Variants in CRYBB1 observed in about 807,000 individuals in gnomAD.
The protein encoded by CRYBB1 is crystallin beta B1, also known as beta-crystallin B1.
A neutral mutation model predicts 29.5 loss-of-function variants in CRYBB1; 16 were observed. The ratio of observed to expected loss-of-function variants is 0.54; its 90% confidence interval spans 0.37 to 0.82. CRYBB1 has a LOEUF of 0.82. Ranked by LOEUF, CRYBB1 falls within the 40% of genes least tolerant of loss-of-function variation. The pLI is 0.00. For synonymous variants in CRYBB1, 127 were observed against 136.7 expected (o/e 0.93, Z 0.49); for missense variants, 300 against 350.5 (o/e 0.86, Z 1.15).
chr22:26,612,231 G>T, intron 2 of CRYBB1, 41 bp from the exon 3 acceptor site: 1 of 1,397,798 alleles, frequency 7.2e-7, no homozygotes, highest in Non-Finnish European at 1.0e-6. Context: ...AGAGTGAGGG[G>T]GGAGTCAAAA....
Position 26,601,943 on chromosome 22 carries a change from C to A in CRYBB1, c.511G>T (p.Ala171Ser), listed in dbSNP as rs754411906. 1 of 1,613,242 alleles carries A rather than the reference C, an allele frequency of 6.2e-7. No homozygotes were observed. Among genetic ancestry groups the A allele is most frequent in the Non-Finnish European group, 8.5e-7 (1 of 1,179,872 alleles). Residue 171 changes from alanine (A) to serine (S), a missense_variant, in exon 5 of 6, where the codon GCA (alanine) becomes TCA (serine). By Grantham distance (99) the Ala-to-Ser change is moderately conservative (BLOSUM62 1). Coordinates refer to ENST00000647684, the MANE Select transcript of CRYBB1 (RefSeq NM_001887.4). ...AAGCCGTAGACCCAGAGACTGGGTG[C>A]GTCGTCCCCCTGGATCTCTATGGTG... The part of the protein sequence containing the change: ...GNTIEIQGDD[A>S]PSLWVYGFSD...
intron 4 of CRYBB1, among the ~76,000 whole-genome samples, chr22:26,607,677 A>G (rs2145963813): frequency 6.6e-6 from 1 of 152,080 alleles, no homozygotes; most frequent in East Asian, 1.9e-4. Context: ...TGTGCTTATC[A>G]TTTGCCCAGG....
At chr22:26,609,354 G>A (rs1359082278) in intron 3 of CRYBB1, among the ~76,000 whole-genome samples, 1 of 151,748 alleles carries the variant, frequency 6.6e-6, no homozygotes, top group Non-Finnish European at 1.5e-5. Context: ...GTCTGGAGTA[G>A]AAGAGAAATA....
chr22:26,599,428 A>G lies in CRYBB1; in HGVS notation c.*62T>C. 1 of 1,530,808 alleles carries G rather than the reference A, an allele frequency of 6.5e-7. No individual in the cohort carries two copies. The highest frequency in any genetic ancestry group is 8.9e-7 in the Non-Finnish European group (1 of 1,125,390). 94.8% of individuals were successfully genotyped at this position (1,530,808 alleles called of 1,614,324 possible). ...TAGGGAATTTTATTTGCCTGGGAAA[A>G]ATGGGGGAAATAATTGAACATGAAG... On this transcript the variant is annotated 3_prime_UTR_variant, in exon 6 of 6. Transcript: ENST00000647684.
intron 2 of CRYBB1, among the ~76,000 whole-genome samples, chr22:26,614,457 G>T (rs1282160127): frequency 6.6e-6 from 1 of 152,156 alleles, no homozygotes; most frequent in African/African-American, 2.4e-5. Context: ...CAGGTTCCCC[G>T]ATACCAGGAG....
At chr22:26,608,251 T>C (rs1365310349) in intron 3 of CRYBB1, among the ~76,000 whole-genome samples, 4 of 152,238 alleles carry the variant, frequency 2.6e-5, no homozygotes, top group Admixed American at 6.5e-5. Context: ...TCTACACTCA[T>C]ATGCCTGTTT....
chr22:26,607,019 CTTT>C (rs34126720), intron 4 of CRYBB1, among the ~76,000 whole-genome samples: 67 of 111,958 alleles, frequency 6.0e-4, no homozygotes, highest in Admixed American at 1.9e-3. Context: ...TATCCCTCTC[CTTT>C]TTTTTTTTTT....
chr22:26,601,649 A>G, intron 5 of CRYBB1, among the ~76,000 whole-genome samples: 2 of 150,768 alleles, frequency 1.3e-5, no homozygotes, highest in African/African-American at 2.5e-5. Context: ...TCCATCTAAC[A>G]GCTTTTTAGA....
At chr22:26,614,501 C>T (rs571926508) in intron 2 of CRYBB1, among the ~76,000 whole-genome samples, 4 of 152,134 alleles carry the variant, frequency 2.6e-5, no homozygotes, top group East Asian at 1.9e-4. Flanking sequence ...ATGCTGTTCA[C>T]GAGAGCAAAG....
chr22:26,616,910 G>A (rs1266338750), intron 1 of CRYBB1, among the ~76,000 whole-genome samples: 1 of 152,192 alleles, frequency 6.6e-6, no homozygotes, highest in East Asian at 1.9e-4. Flanking sequence ...CCAGCAACTG[G>A]GCTTTTAAAG....
In CRYBB1 at chr22:26,603,543, A is replaced by G. The variant is rs185512116; in HGVS notation, c.433-1522T>C. Among the ~76,000 whole-genome samples the G allele has an allele frequency of 2.1e-4, 32 of 151,474 alleles. No individual in the cohort carries two copies. In the East Asian group the frequency reaches 5.7e-3, roughly 27 times the overall value. On this transcript the variant is annotated intron_variant, in intron 4 of 5. Coordinates refer to ENST00000647684, the MANE Select transcript of CRYBB1 (RefSeq NM_001887.4). Reference sequence around the variant, plus strand: ...AGACTGTCTCAAACAACAACAACAAAAAAGAATGGGGTTACTATTGCTTCG... The same window carrying G: ...AGACTGTCTCAAACAACAACAACAAGAAAGAATGGGGTTACTATTGCTTCG...
intron 4 of CRYBB1, among the ~76,000 whole-genome samples, chr22:26,602,715 C>T (rs1303366722): frequency 6.6e-6 from 1 of 152,202 alleles, no homozygotes; most frequent in Non-Finnish European, 1.5e-5. Flanking sequence ...AGAAACACTT[C>T]ATTCCTAAGC....
Position 26,603,112 on chromosome 22 carries a change from C to T in CRYBB1, c.433-1091G>A, listed in dbSNP as rs367923592. 4.6e-5 allele frequency among the ~76,000 whole-genome samples: 6 copies of T among 131,438 alleles called. No homozygotes were observed. In the East Asian group the frequency reaches 6.7e-4, roughly 15 times the overall value. 86.2% of individuals were successfully genotyped at this position (131,438 alleles called of 152,430 possible). ...TTGCACACCAACCTGGGCAACAGAG[C>T]GAGACTCCGTCTCAAAAAAAAAAAA... On this transcript the variant is annotated intron_variant, in intron 4 of 5. Coordinates refer to ENST00000647684, the MANE Select transcript of CRYBB1 (RefSeq NM_001887.4).
chr22:26,607,019 C>CA (rs1928997723), intron 4 of CRYBB1, among the ~76,000 whole-genome samples: 2 of 111,962 alleles, frequency 1.8e-5, no homozygotes, highest in Non-Finnish European at 3.5e-5. Flanking sequence ...TATCCCTCTC[C>CA]TTTTTTTTTT....
chr22:26,603,636 G>A (rs1928890313), intron 4 of CRYBB1, among the ~76,000 whole-genome samples: 1 of 152,000 alleles, frequency 6.6e-6, no homozygotes, highest in Admixed American at 6.6e-5. Context: ...CGGGCGCGGT[G>A]GCTCACGCCT....
chr22:26,616,453 T>C (rs1436675373), intron 1 of CRYBB1, 115 bp from the exon 2 acceptor site: 1 of 734,968 alleles, frequency 1.4e-6, no homozygotes, highest in Non-Finnish European at 2.4e-6. Flanking sequence ...TATCTCCTTC[T>C]GAAACGGTTA....
chr22:26,600,269 G>A (rs971728654), intron 5 of CRYBB1, among the ~76,000 whole-genome samples: 10 of 152,116 alleles, frequency 6.6e-5, no homozygotes, highest in Admixed American at 1.3e-4. Context: ...GGGTGTGGTG[G>A]TGGGCACCTG....
chr22:26,611,984 C>T, intron 3 of CRYBB1, 88 bp downstream of exon 3: 1 of 962,770 alleles, frequency 1.0e-6, no homozygotes. Context: ...GCCGCAGGCA[C>T]AGAGCAGATG....
chr22:26,602,006 T>C lies in CRYBB1; in HGVS notation c.448A>G (p.Lys150Glu), dbSNP rs886057326. 1 of 1,613,814 alleles carries C rather than the reference T, an allele frequency of 6.2e-7. No homozygotes were observed. The highest frequency in any genetic ancestry group is 2.2e-5 in the East Asian group (1 of 44,852). The change falls in exon 5 of 6, where the codon AAA (lysine) becomes GAA (glutamate). Residue 150 changes from lysine (K) to glutamate (E), a missense_variant. By Grantham distance (56) the Lys-to-Glu change is moderately conservative. Transcript: ENST00000647684. Reference protein sequence around the residue: ...RPIKMDAQEHKISLFEGANFK... With the variant: ...RPIKMDAQEHEISLFEGANFK... ...TTGGCCCCTTCAAACAGGGAGATTT[T>C]GTGCTCCTGGGCATCCTGGGGAAAG... is the stretch of plus-strand genomic sequence containing the variant.
Sources: allele counts gnomAD v4.1 joint callset (sites outside exome capture counted in the v4.1 genomes callset), GRCh38; gene constraint gnomAD v4.1.1; transcripts MANE v1.5; gene names NCBI Gene and HGNC (gene_info 2026-07-23, HGNC 2026-07-21).